The following GRIN2C variants were observed in gnomAD, a reference collection of about 807,000 sequenced individuals.
The protein encoded by GRIN2C is glutamate receptor ionotropic, NMDA 2C.
In GRIN2C, 64 loss-of-function variants were observed where a neutral mutation model predicts 77.7. The observed-to-expected ratio is 0.82, with a 90% CI of 0.67 to 1.01. The LOEUF (loss-of-function observed/expected upper bound fraction) is 1.01. GRIN2C is among the 50% of genes least tolerant of loss of function. The pLI is 0.00. For missense variants in GRIN2C, 1,549 were observed against 1,486.0 expected (o/e 1.04, Z -0.70); for synonymous variants, 792 against 643.4 (o/e 1.23, Z -3.49).
chr17:74,853,638 A>T (rs1352610347), intron 2 of GRIN2C: 1 of 152,206 alleles, frequency 6.6e-6, no homozygotes, highest in South Asian at 2.1e-4. Flanking sequence ...CTTTGATTCA[A>T]ATTAACACAG....
rs980601029 is a variant in GRIN2C, at chr17:74,859,524, C to T, written c.-16+220G>A. Among the ~76,000 whole-genome samples the T allele has an allele frequency of 6.6e-6, 1 of 152,108 alleles. No individual in the cohort carries two copies. The highest frequency in any genetic ancestry group is 2.4e-5 in the African/African-American group (1 of 41,434). On this transcript the variant is annotated intron_variant, in intron 1 of 12. Coordinates refer to ENST00000293190, the MANE Select transcript of GRIN2C (RefSeq NM_000835.6). This position sits in a 1 kb window ranked among gnomAD's most constrained non-coding sequence, Gnocchi z 5.9. ...CGGACCCCCTGCCCTTCCGGTGAGC[C>T]GCCCCTCCTTTGCCGTCGGGTTTCC...
At chr17:74,853,709 A>G (rs1241888028) in intron 2 of GRIN2C, 2 of 152,128 alleles carry the variant, frequency 1.3e-5, no homozygotes, top group Non-Finnish European at 2.9e-5. Flanking sequence ...TGGGGGATAT[A>G]TGAGTCTTCC....
rs890934075 is a variant in GRIN2C at position 74,843,294 on chromosome 17, G to T, written c.2843C>A (p.Thr948Asn). 1 of 1,202,324 alleles carries T rather than the reference G, an allele frequency of 8.3e-7. No homozygotes were observed. The highest frequency in any genetic ancestry group is 1.1e-6 in the Non-Finnish European group (1 of 885,498). The allele number at this position is 1,202,324 out of a possible 1,614,324, so 74.5% of individuals were successfully genotyped here. A position where few individuals can be genotyped will look rare whatever the true frequency, so the allele number is the denominator to read the frequency against. ...GCTCGGCTCTGGGGGCGGGTCGGGG[G>T]TGGGCAGGCATGGGCTGGGGCCAGA... ...PRSGPSPCLP[T>N]PDPPPEPSPT... Residue 948 changes from threonine to asparagine, a missense_variant, in exon 13 of 13, where the codon ACC (threonine) becomes AAC (asparagine). Coordinates refer to ENST00000293190, the MANE Select transcript of GRIN2C (RefSeq NM_000835.6).
rs1176009469 is a variant in GRIN2C, at chr17:74,847,735, G to C, written c.1771+117C>G. 5 of 1,046,200 alleles carry C rather than the reference G, an allele frequency of 4.8e-6. No individual in the cohort carries two copies. In the African/African-American group the frequency reaches 6.3e-5, roughly 13 times the overall value. The allele number at this position is 1,046,200 out of a possible 1,614,324, so 64.8% of individuals were successfully genotyped here. A position where few individuals can be genotyped will look rare whatever the true frequency, so the allele number is the denominator to read the frequency against. On this transcript the variant is annotated intron_variant, in intron 8 of 12. Transcript: ENST00000293190. The surrounding 1 kb of genome is among the most constrained non-coding windows in gnomAD (Gnocchi z 5.2). ...GTGTCATCTGACTGGCCCCCAGCAT[G>C]TGCCATCCAAAAGCAAGGGACCTCC... is the stretch of plus-strand genomic sequence containing the variant.
At chr17:74,856,654 A>AT (rs1315500158) in intron 1 of GRIN2C, among the ~76,000 whole-genome samples, 2 of 150,944 alleles carry the variant, frequency 1.3e-5, no homozygotes, top group Non-Finnish European at 3.0e-5. Context: ...AATTTTTTGT[A>AT]TTTTTTAGTA....
Position 74,850,770 on chromosome 17 carries a change from G to A in GRIN2C, c.1114-3C>T, listed in dbSNP as rs1382335724. On this transcript the variant is annotated splice_region_variant and splice_polypyrimidine_tract_variant and intron_variant, in intron 4 of 12. Coordinates refer to ENST00000293190, the MANE Select transcript of GRIN2C (RefSeq NM_000835.6). This position sits in a 1 kb window ranked among gnomAD's most constrained non-coding sequence, Gnocchi z 5.3. ...ACGCCATGCTCCCAGCGCCCCACCTGTGGAGGGTGACAGCCTCAGCCTGGG... is the reference window on the plus strand; with the variant it reads ...ACGCCATGCTCCCAGCGCCCCACCTATGGAGGGTGACAGCCTCAGCCTGGG... 6.8e-6 allele frequency: 11 copies of A among 1,608,860 alleles called. No homozygotes were observed. The highest frequency in any genetic ancestry group is 9.3e-6 in the Non-Finnish European group (11 of 1,177,694).
intron 2 of GRIN2C, chr17:74,854,472 C>G: frequency 3.7e-6 from 2 of 535,318 alleles, no homozygotes; most frequent in Admixed American, 6.7e-5. Context: ...CTGCACCCTG[C>G]CCACCCCTCA....
Position 74,850,577 on chromosome 17 carries a change from C to T in GRIN2C, c.1304G>A (p.Arg435Lys). ...GCVPNTVPCRRQSNHTFSSGD... is the reference protein window; with the variant it reads ...GCVPNTVPCRKQSNHTFSSGD... ...AGACCTGAAGGTGTGGTTGCTCTGC[C>T]TGCGGCAGGGCACGGTGTTGGGGAC... is the stretch of plus-strand genomic sequence containing the variant. The change falls in exon 5 of 13, where the codon AGG (arginine) becomes AAG (lysine). Residue 435 changes from arginine to lysine, a missense_variant. Transcript: ENST00000293190. The surrounding 1 kb of genome is among the most constrained non-coding windows in gnomAD (Gnocchi z 5.3). The T allele has an allele frequency of 6.2e-7, 1 of 1,613,680 alleles. No homozygotes were observed. Among genetic ancestry groups the T allele is most frequent in the Non-Finnish European group, 8.5e-7 (1 of 1,180,008 alleles).
chr17:74,845,980 C>G, intron 11 of GRIN2C, 86 bp downstream of exon 11: 1 of 1,265,590 alleles, frequency 7.9e-7, no homozygotes, highest in Non-Finnish European at 1.1e-6. Flanking sequence ...TGCTCACAGG[C>G]CTTGGGAACT....
Position 74,850,414 on chromosome 17 carries a change from T to C in GRIN2C, c.1326-43A>G, listed in dbSNP as rs776994606. On this transcript the variant is annotated intron_variant, in intron 5 of 12. Transcript: ENST00000293190. The surrounding 1 kb of genome is among the most constrained non-coding windows in gnomAD (Gnocchi z 5.3). The stretch of plus-strand genomic sequence containing the variant: ...TGAGACCACCGGGAGTCAGAGTATG[T>C]CGTGGCCCAGCCCCGCCCCAGCCAC... 4.4e-6 allele frequency: 7 copies of C among 1,598,864 alleles called. No homozygotes were observed. In the East Asian group the frequency reaches 8.9e-5, roughly 20 times the overall value.
Position 74,859,451 on chromosome 17 carries a change from C to G in GRIN2C, c.-16+293G>C, listed in dbSNP as rs2037900478. Among the ~76,000 whole-genome samples, 1 of 152,100 alleles carries G rather than the reference C, an allele frequency of 6.6e-6. No individual in the cohort carries two copies. The highest frequency in any genetic ancestry group is 2.4e-5 in the African/African-American group (1 of 41,418). The stretch of plus-strand genomic sequence containing the variant: ...TACCGATGGCTCTCCCTCTCCCAGG[C>G]TAGGAAACTCTGTCGCAGGAGTCCT... On this transcript the variant is annotated intron_variant, in intron 1 of 12. Coordinates refer to ENST00000293190, the MANE Select transcript of GRIN2C (RefSeq NM_000835.6). This position sits in a 1 kb window ranked among gnomAD's most constrained non-coding sequence, Gnocchi z 5.9.
At position 74,846,768 on chromosome 17, in the gene GRIN2C, G is replaced by C. The variant is rs1420007713; in HGVS notation, c.2154C>G (p.Leu718=). The change falls in exon 10 of 13, where the codon CTC becomes CTG. Residue 718 remains leucine, a synonymous_variant. Transcript: ENST00000293190. The surrounding 1 kb of genome is among the most constrained non-coding windows in gnomAD (Gnocchi z 4.4). ...QRSVEDALTS[L]KMGKLDAFIY... ...CAGGGCTGGGGACCCACCCCATCTTGAGGCTGGTGAGCGCGTCCTCCACCG... is the reference window on the plus strand; with the variant it reads ...CAGGGCTGGGGACCCACCCCATCTTCAGGCTGGTGAGCGCGTCCTCCACCG... 6.2e-6 allele frequency: 10 copies of C among 1,613,578 alleles called. No homozygotes were observed. In the African/African-American group the frequency reaches 1.2e-4, roughly 19 times the overall value.
upstream of GRIN2C, chr17:74,860,617 G>A (rs1033559715): frequency 2.4e-6 from 1 of 411,630 alleles, no homozygotes; most frequent in Admixed American, 2.7e-5. Flanking sequence ...CGGCGCAGGC[G>A]GCTGGTGCGC....
Position 74,849,639 on chromosome 17 carries a change from T to A in GRIN2C, c.1645+141A>T. On this transcript the variant is annotated intron_variant, in intron 7 of 12. Coordinates refer to ENST00000293190, the MANE Select transcript of GRIN2C (RefSeq NM_000835.6). This position sits in a 1 kb window ranked among gnomAD's most constrained non-coding sequence, Gnocchi z 4.6. The stretch of plus-strand genomic sequence containing the variant: ...TTCTCCTGTCTCCTTTCCACTCACC[T>A]CCAGCCAACCTCCAAGACCCAAGGC... 1 of 704,056 alleles carries A rather than the reference T, an allele frequency of 1.4e-6. No individual in the cohort carries two copies. Among genetic ancestry groups the A allele is most frequent in the Non-Finnish European group, 2.3e-6 (1 of 430,414 alleles). 43.6% of individuals were successfully genotyped at this position (704,056 alleles called of 1,614,324 possible).
chr17:74,852,627 G>T lies in GRIN2C; in HGVS notation c.400-16C>A. Reference sequence around the variant, plus strand: ...AGCCCGGCTCCTGGGGGCGGGCGGGGCCTGAGCGGGGCGGGAGGGCCGAGC... The same window carrying T: ...AGCCCGGCTCCTGGGGGCGGGCGGGTCCTGAGCGGGGCGGGAGGGCCGAGC... On this transcript the variant is annotated splice_polypyrimidine_tract_variant and intron_variant, in intron 2 of 12. Coordinates refer to ENST00000293190, the MANE Select transcript of GRIN2C (RefSeq NM_000835.6). 1 of 1,103,968 alleles carries T rather than the reference G, an allele frequency of 9.1e-7. No individual in the cohort carries two copies. Among genetic ancestry groups the T allele is most frequent in the African/African-American group, 4.5e-5 (1 of 22,230 alleles). 68.4% of individuals were successfully genotyped at this position (1,103,968 alleles called of 1,614,324 possible).
Position 74,846,963 on chromosome 17 carries a change from C to G in GRIN2C, c.2002-43G>C. On this transcript the variant is annotated intron_variant, in intron 9 of 12. Coordinates refer to ENST00000293190, the MANE Select transcript of GRIN2C (RefSeq NM_000835.6). The surrounding 1 kb of genome is among the most constrained non-coding windows in gnomAD (Gnocchi z 4.4). ...CAGCCAGTCACAACCCTTCCTCCAGCCTTCCAGGCACCAAAGCCCCAAACC... is the reference window on the plus strand; with the variant it reads ...CAGCCAGTCACAACCCTTCCTCCAGGCTTCCAGGCACCAAAGCCCCAAACC... 3 of 1,576,694 alleles carry G rather than the reference C, an allele frequency of 1.9e-6. No individual in the cohort carries two copies. The highest frequency in any genetic ancestry group is 2.6e-6 in the Non-Finnish European group (3 of 1,160,294).
chr17:74,852,456 G>A lies in GRIN2C; in HGVS notation c.555C>T (p.Val185=), dbSNP rs756669068. The A allele has an allele frequency of 6.5e-6, 10 of 1,549,312 alleles. No individual in the cohort carries two copies. In the African/African-American group the frequency reaches 1.3e-4, roughly 20 times the overall value. The change falls in exon 3 of 13, where the codon GTC becomes GTT. Residue 185 remains valine (V), a synonymous_variant. Transcript: ENST00000293190. ...HALFLEGVRA[V]ADASHVSWRL... Reference sequence around the variant, plus strand: ...GCCAACTCACGTGGCTGGCGTCGGCGACGGCGCGCACGCCCTCCAGGAAGA... The same window carrying A: ...GCCAACTCACGTGGCTGGCGTCGGCAACGGCGCGCACGCCCTCCAGGAAGA...
rs187602543 is a variant in GRIN2C, at chr17:74,846,039, G to A, written c.2350+27C>T. 2.5e-6 allele frequency: 4 copies of A among 1,605,812 alleles called. No homozygotes were observed. The highest frequency in any genetic ancestry group is 1.1e-5 in the South Asian group (1 of 90,864). ...AACCTTGGGCTCCACAGCCCACCCT[G>A]GGCATCCCAGCAATGGCAGTACCCA... On this transcript the variant is annotated intron_variant, in intron 11 of 12. Transcript: ENST00000293190. This position sits in a 1 kb window ranked among gnomAD's most constrained non-coding sequence, Gnocchi z 4.4.
chr17:74,847,648 G>C lies in GRIN2C; in HGVS notation c.1772-111C>G. On this transcript the variant is annotated intron_variant, in intron 8 of 12. Coordinates refer to ENST00000293190, the MANE Select transcript of GRIN2C (RefSeq NM_000835.6). This position sits in a 1 kb window ranked among gnomAD's most constrained non-coding sequence, Gnocchi z 5.2. ...CCGGTCTCAGCCTGGCCTTGGGGGG[G>C]ACGCGTCCTGGCCATTCCCTCGCCA... 2.2e-6 allele frequency: 2 copies of C among 921,192 alleles called. No homozygotes were observed. The highest frequency in any genetic ancestry group is 1.6e-5 in the African/African-American group (1 of 60,930). The allele number at this position is 921,192 out of a possible 1,614,324, so 57.1% of individuals were successfully genotyped here. A position where few individuals can be genotyped will look rare whatever the true frequency, so the allele number is the denominator to read the frequency against.
Sources: allele counts gnomAD v4.1 joint callset (sites outside exome capture counted in the v4.1 genomes callset), GRCh38; gene constraint gnomAD v4.1.1; non-coding constraint Gnocchi (gnomAD v3.1); transcripts MANE v1.5; gene names NCBI Gene and HGNC (gene_info 2026-07-23, HGNC 2026-07-21).